IL22RA1: variants seen among roughly 807,000 people sequenced by gnomAD.
IL22RA1 encodes interleukin-22 receptor subunit alpha-1.
A neutral mutation model predicts 32.8 loss-of-function variants in IL22RA1; 25 were observed. That is an observed-to-expected ratio of 0.76 (90% CI 0.55 to 1.06). The LOEUF (loss-of-function observed/expected upper bound fraction) is 1.06. Ranked by LOEUF, IL22RA1 falls within the 50% of genes least tolerant of loss-of-function variation. IL22RA1 has a pLI of 0.00. For synonymous variants in IL22RA1, 305 were observed against 305.0 expected, an observed-to-expected ratio of 1.00 and a Z score of 0.00; for missense variants, 709 against 727.4, an observed-to-expected ratio of 0.97 and a Z score of 0.29.
chr1:24,128,051 C>T, intron 5 of IL22RA1, 90 bp downstream of exon 5: 1 of 1,328,560 alleles, frequency 7.5e-7, no homozygotes, highest in Non-Finnish European at 1.0e-6. Flanking sequence ...TAGAGTGTTG[C>T]CAAGTCTCAC....
intron 5 of IL22RA1, 114 bp downstream of exon 5, chr1:24,128,027 C>T: frequency 9.2e-7 from 1 of 1,088,230 alleles, no homozygotes. Context: ...ACTGATAACC[C>T]TTCCATGGTT....
In IL22RA1 at chr1:24,120,027, T is replaced by C. The variant is rs1239552259; in HGVS notation, c.*778A>G. Reference sequence around the variant, plus strand: ...TTGCAAAGTTGTGACATCAGTACAGTGTGTTATTGTACCCGTCCAGGGGCC... The same window carrying C: ...TTGCAAAGTTGTGACATCAGTACAGCGTGTTATTGTACCCGTCCAGGGGCC... On this transcript the variant is annotated 3_prime_UTR_variant, in exon 7 of 7. Coordinates refer to ENST00000270800, the MANE Select transcript of IL22RA1 (RefSeq NM_021258.4). 2 of 152,190 alleles carry C rather than the reference T, an allele frequency of 1.3e-5. No homozygotes were observed. Among genetic ancestry groups the C allele is most frequent in the African/African-American group, 4.8e-5 (2 of 41,434 alleles). The allele number at this position is 152,190 out of a possible 1,614,324, so 9.4% of individuals were successfully genotyped here.
chr1:24,138,723 G>T lies in IL22RA1; in HGVS notation c.44-9C>A, dbSNP rs1196978333. On this transcript the variant is annotated splice_polypyrimidine_tract_variant and intron_variant, in intron 1 of 6. Transcript: ENST00000270800. ...GTCCTCAGGGGCGTGAGCTGCAGGA[G>T]GGTGGGAGGAGGGTGAGCAGGGGCT... 4 of 1,613,404 alleles carry T rather than the reference G, an allele frequency of 2.5e-6. No individual in the cohort carries two copies. The highest frequency in any genetic ancestry group is 1.7e-5 in the Admixed American group (1 of 59,838).
chr1:24,127,718 G>T (rs907557424), intron 5 of IL22RA1, among the ~76,000 whole-genome samples: 1 of 152,192 alleles, frequency 6.6e-6, no homozygotes, highest in African/African-American at 2.4e-5. Flanking sequence ...GCCCTTGGTT[G>T]TGCCTGGTTC....
intron 1 of IL22RA1, 137 bp from the exon 2 acceptor site, chr1:24,138,851 G>T: frequency 9.6e-7 from 1 of 1,041,180 alleles, no homozygotes; most frequent in Non-Finnish European, 1.4e-6. Context: ...CTGGTGGGTG[G>T]GCAGGGAGAC....
chr1:24,131,456 C>T (rs74060511), intron 4 of IL22RA1, among the ~76,000 whole-genome samples: 2,346 of 152,218 alleles, frequency 0.015, 78 homozygotes, highest in African/African-American at 0.054. Context: ...CATAAGAAGG[C>T]TGGAGTGTCT....
intron 3 of IL22RA1, among the ~76,000 whole-genome samples, chr1:24,135,579 C>T (rs1644235868): frequency 1.3e-5 from 2 of 152,160 alleles, no homozygotes; most frequent in Non-Finnish European, 2.9e-5. Flanking sequence ...AAAGACACAC[C>T]TCAGACTGGG....
At chr1:24,123,715 C>T (rs12071691) in intron 5 of IL22RA1, among the ~76,000 whole-genome samples, 10,998 of 152,264 alleles carry the variant, frequency 0.072, 737 homozygotes, top group African/African-American at 0.18. Flanking sequence ...ATTCAGAGTT[C>T]TTGGACTTCT....
intron 4 of IL22RA1, among the ~76,000 whole-genome samples, chr1:24,131,145 T>C (rs1284994688): frequency 6.6e-6 from 1 of 152,244 alleles, no homozygotes; most frequent in Non-Finnish European, 1.5e-5. Flanking sequence ...AAATTCTAGA[T>C]ATTATTATCT....
intron 6 of IL22RA1, 25 bp from the exon 7 acceptor site, chr1:24,121,762 C>T: frequency 1.4e-6 from 2 of 1,452,232 alleles, no homozygotes; most frequent in East Asian, 5.0e-5. Context: ...CAACAGTCAC[C>T]CCCCTGTGGT....
intron 2 of IL22RA1, 111 bp from the exon 3 acceptor site, chr1:24,137,420 G>T: frequency 3.3e-6 from 3 of 907,484 alleles, no homozygotes; most frequent in Non-Finnish European, 3.4e-6. Flanking sequence ...ACGTTCAGTG[G>T]CCCAGGCCCT....
chr1:24,132,504 T>C (rs1644213083), intron 4 of IL22RA1, among the ~76,000 whole-genome samples: 1 of 151,830 alleles, frequency 6.6e-6, no homozygotes, highest in African/African-American at 2.4e-5. Context: ...GCTAATTTTT[T>C]GTATTTTTTA....
chr1:24,128,365 A>C, intron 4 of IL22RA1, 86 bp from the exon 5 acceptor site: 5 of 1,545,138 alleles, frequency 3.2e-6, no homozygotes, highest in Non-Finnish European at 4.5e-6. Flanking sequence ...CTCCTCCTGG[A>C]TTCTGGTTTG....
At chr1:24,135,886 GA>G (rs1644238564) in intron 3 of IL22RA1, among the ~76,000 whole-genome samples, 1 of 152,210 alleles carries the variant, frequency 6.6e-6, no homozygotes. Flanking sequence ...AATTCAAGAT[GA>G]GATTTGGGTG....
In IL22RA1 at chr1:24,143,018, C is replaced by T. The variant is rs778674047; in HGVS notation, c.43+22G>A. ...GCCCCTGGGATAAGGGAGGTCTGAC[C>T]ACAGGGTAGATGGGCACTCACCAGC... On this transcript the variant is annotated intron_variant, in intron 1 of 6. Coordinates refer to ENST00000270800, the MANE Select transcript of IL22RA1 (RefSeq NM_021258.4). The T allele has an allele frequency of 5.0e-6, 8 of 1,611,084 alleles. No homozygotes were observed. The East Asian group carries it at 1.8e-4, about 36-fold the overall frequency.
At chr1:24,121,771 GT>G in intron 6 of IL22RA1, 34 bp from the exon 7 acceptor site, 1 of 1,438,602 alleles carries the variant, frequency 7.0e-7, no homozygotes. Flanking sequence ...CCCCCCTGTG[GT>G]TAGGGTAAGT....
chr1:24,137,591 A>G (rs534004988), intron 2 of IL22RA1, among the ~76,000 whole-genome samples: 3 of 145,802 alleles, frequency 2.1e-5, no homozygotes, highest in African/African-American at 7.7e-5. Flanking sequence ...GTCTTGGCTC[A>G]CTGCAACTTC....
intron 1 of IL22RA1, among the ~76,000 whole-genome samples, chr1:24,139,508 G>A (rs1337044174): frequency 6.6e-6 from 1 of 152,142 alleles, no homozygotes; most frequent in Admixed American, 6.5e-5. Context: ...TTGAAGAACT[G>A]TCGAACTATT....
rs1644108324 is a variant in IL22RA1 at position 24,119,976 on chromosome 1, C to T, written c.*829G>A. 6.6e-6 allele frequency: 1 copy of T among 152,260 alleles called. No homozygotes were observed. The highest frequency in any genetic ancestry group is 2.4e-5 in the African/African-American group (1 of 41,466). The allele number at this position is 152,260 out of a possible 1,614,324, so 9.4% of individuals were successfully genotyped here. The stretch of plus-strand genomic sequence containing the variant: ...GAGTGGTGAGGCTGGAATTTGAGCC[C>T]AGATGGGCTGAACCCAAGGCAGAGC... On this transcript the variant is annotated 3_prime_UTR_variant, in exon 7 of 7. Transcript: ENST00000270800.
Sources: gnomAD v4.1 joint callset for allele counts (sites outside exome capture counted in the v4.1 genomes callset) on GRCh38, gnomAD v4.1.1 for gene constraint, MANE v1.5 for transcripts, NCBI Gene and HGNC (gene_info 2026-07-23, HGNC 2026-07-21) for gene names.